FA2H: variants seen among roughly 807,000 people sequenced by gnomAD.
The protein encoded by FA2H is fatty acid 2-hydroxylase.
A neutral mutation model predicts 44.9 loss-of-function variants in FA2H; 22 were observed. The observed-to-expected ratio is 0.49, with a 90% CI of 0.35 to 0.70. The LOEUF is 0.70. Ranked by LOEUF, FA2H falls within the 30% of genes least tolerant of loss-of-function variation. FA2H has a pLI of 0.01. For missense variants in FA2H, 501 were observed against 504.9 expected (o/e 0.99, Z 0.07); for synonymous variants, 243 against 213.2 (o/e 1.14, Z -1.22).
At chr16:74,771,238 T>A (rs1962900181) in intron 1 of FA2H, among the ~76,000 whole-genome samples, 1 of 152,058 alleles carries the variant, frequency 6.6e-6, no homozygotes, top group Admixed American at 6.6e-5. Flanking sequence ...TCACCCAGAC[T>A]GGAATGCAGT....
chr16:74,724,974 G>T (rs948905052), intron 4 of FA2H, among the ~76,000 whole-genome samples: 1 of 152,180 alleles, frequency 6.6e-6, no homozygotes, highest in African/African-American at 2.4e-5. Context: ...CAGCCCTGGC[G>T]GCCCTGCCAC....
At chr16:74,720,677 T>A (rs1961816491) in intron 4 of FA2H, among the ~76,000 whole-genome samples, 2 of 152,144 alleles carry the variant, frequency 1.3e-5, no homozygotes, top group Admixed American at 6.6e-5. Flanking sequence ...CCCAGTCAAT[T>A]TTACAACATT....
chr16:74,774,374 G>C, intron 1 of FA2H, 112 bp downstream of exon 1: 2 of 1,050,332 alleles, frequency 1.9e-6, no homozygotes, highest in Non-Finnish European at 2.6e-6. Context: ...GGGAAGGGAG[G>C]GCAGAAGCTG....
At chr16:74,739,851 C>T (rs529069288) in intron 2 of FA2H, among the ~76,000 whole-genome samples, 172 bp downstream of exon 2, 25 of 152,272 alleles carry the variant, frequency 1.6e-4, no homozygotes, top group Middle Eastern at 3.4e-3. Context: ...ACACCCCTGC[C>T]GGAGTTTGCT....
In FA2H at chr16:74,740,164, G is replaced by A. The variant is rs749487753; in HGVS notation, c.271-49C>T. 2.7e-6 allele frequency: 4 copies of A among 1,493,648 alleles called. No homozygotes were observed. In the East Asian group the frequency reaches 6.8e-5, roughly 25 times the overall value. 92.5% of individuals were successfully genotyped at this position (1,493,648 alleles called of 1,614,324 possible). ...ATTATACACAGTGGGTGAGGGAAGA[G>A]GGCAGAGCCCCGAGCTGCCCCGAGA... On this transcript the variant is annotated intron_variant, in intron 1 of 6. Transcript: ENST00000219368.
intron 6 of FA2H, 148 bp from the exon 7 acceptor site, chr16:74,714,417 C>T: frequency 2.9e-6 from 2 of 691,562 alleles, no homozygotes; most frequent in Middle Eastern, 3.1e-4. Context: ...GCCATTCTGG[C>T]AGAAGTCAAG....
In FA2H at chr16:74,727,262, C is replaced by A; in HGVS notation, c.488G>T (p.Gly163Val). Residue 163 changes from glycine (G) to valine (V), a missense_variant, in exon 3 of 7, where the codon GGC becomes GTC. Coordinates refer to ENST00000219368, the MANE Select transcript of FA2H (RefSeq NM_024306.5). ...AGCTCACCAGACAGTCTTAGAGAGG[C>A]CCTCAATGAGGTCTGAGTGGAAGAG... The part of the protein sequence containing the change: ...IRLFHSDLIE[G>V]LSKTVWYSVP... 1.2e-6 allele frequency: 2 copies of A among 1,614,106 alleles called. No homozygotes were observed. The highest frequency in any genetic ancestry group is 1.7e-6 in the Non-Finnish European group (2 of 1,180,018).
intron 1 of FA2H, among the ~76,000 whole-genome samples, chr16:74,753,852 T>A (rs1962569802): frequency 6.6e-6 from 1 of 152,204 alleles, no homozygotes; most frequent in South Asian, 2.1e-4. Flanking sequence ...AGGTCTTGAC[T>A]CCAGAGATTT....
At chr16:74,739,586 C>G (rs1217643852) in intron 2 of FA2H, among the ~76,000 whole-genome samples, 1 of 152,224 alleles carries the variant, frequency 6.6e-6, no homozygotes, top group African/African-American at 2.4e-5. Flanking sequence ...GCGCTGTCTC[C>G]TGCTGGACTC....
At chr16:74,733,348 C>T (rs1159365493) in intron 2 of FA2H, among the ~76,000 whole-genome samples, 1 of 152,204 alleles carries the variant, frequency 6.6e-6, no homozygotes, top group Non-Finnish European at 1.5e-5. Flanking sequence ...GGCCCGCCGA[C>T]CCCCGACCCA....
At chr16:74,727,169 C>G in intron 3 of FA2H, 75 bp downstream of exon 3, 4 of 1,588,712 alleles carry the variant, frequency 2.5e-6, no homozygotes, top group Non-Finnish European at 1.7e-6. Context: ...ACTCAATTGC[C>G]CCCTCCCTTT....
At chr16:74,729,907 G>C (rs541430625) in intron 2 of FA2H, among the ~76,000 whole-genome samples, 5 of 152,212 alleles carry the variant, frequency 3.3e-5, no homozygotes, top group Admixed American at 2.0e-4. Context: ...ACTGCAGGTG[G>C]GAAGTAGGGG....
At chr16:74,718,287 G>A (rs1961751739) in intron 5 of FA2H, among the ~76,000 whole-genome samples, 1 of 152,226 alleles carries the variant, frequency 6.6e-6, no homozygotes, top group African/African-American at 2.4e-5. Context: ...ATGCCCAGCA[G>A]AGAACAGAGT....
intron 1 of FA2H, among the ~76,000 whole-genome samples, chr16:74,743,439 T>G (rs538824022): frequency 3.3e-5 from 5 of 151,776 alleles, no homozygotes; most frequent in Non-Finnish European, 2.9e-5. Flanking sequence ...ACCGGAGGAG[T>G]CCCTGCTCTG....
chr16:74,731,482 T>C (rs1226351812), intron 2 of FA2H, among the ~76,000 whole-genome samples: 2 of 152,168 alleles, frequency 1.3e-5, no homozygotes, highest in Non-Finnish European at 2.9e-5. Context: ...TCTATTTACA[T>C]TTAATGTTGG....
intron 1 of FA2H, among the ~76,000 whole-genome samples, chr16:74,761,458 AAAAGAAAG>A (rs147015393): frequency 2.1e-5 from 2 of 93,670 alleles, no homozygotes; most frequent in Admixed American, 1.1e-4. Context: ...GTCTCAAAAA[AAAAGAAAG>A]AAAGAAAGAA....
intron 1 of FA2H, among the ~76,000 whole-genome samples, chr16:74,756,575 G>A (rs1050786709): frequency 6.6e-6 from 1 of 152,058 alleles, no homozygotes; most frequent in African/African-American, 2.4e-5. Context: ...TTTCTCTAGC[G>A]GAGCAGAGTC....
At chr16:74,767,748 T>C (rs562982010) in intron 1 of FA2H, among the ~76,000 whole-genome samples, 3 of 152,318 alleles carry the variant, frequency 2.0e-5, no homozygotes, top group Admixed American at 1.3e-4. Context: ...ATTTTTTACT[T>C]TGGAACTGTA....
chr16:74,725,911 C>T, intron 4 of FA2H: 1 of 388,552 alleles, frequency 2.6e-6, no homozygotes, highest in Non-Finnish European at 4.9e-6. Context: ...AAGAATCCCA[C>T]ATCATGTGTC....
Sources: allele counts gnomAD v4.1 joint callset (sites outside exome capture counted in the v4.1 genomes callset), GRCh38; gene constraint gnomAD v4.1.1; transcripts MANE v1.5; gene names NCBI Gene and HGNC (gene_info 2026-07-23, HGNC 2026-07-21).